LRP2: variants seen among roughly 807,000 people sequenced by gnomAD.
The protein encoded by LRP2 is LDL receptor related protein 2, also known as low-density lipoprotein receptor-related protein 2.
In LRP2, 172 loss-of-function variants were observed where a neutral mutation model predicts 531.0. The observed-to-expected ratio is 0.32, with a 90% CI of 0.29 to 0.37. LRP2 has a LOEUF of 0.37. Among genes scored for constraint, LRP2 ranks in the 10% least tolerant of loss-of-function variants. The pLI is 1.00. For missense variants in LRP2, 5,167 were observed against 5,868.3 expected, an observed-to-expected ratio of 0.88 and a Z score of 3.90; for synonymous variants, 1,992 against 2,027.6, an observed-to-expected ratio of 0.98 and a Z score of 0.47.
chr2:169,139,633 T>G, intron 72 of LRP2, 23 bp from the exon 73 acceptor site: 1 of 1,608,158 alleles, frequency 6.2e-7, no homozygotes, highest in Non-Finnish European at 8.5e-7. Flanking sequence ...AGCAAATCAT[T>G]CACTAGCTGT....
At chr2:169,298,776 C>A (rs759534602) in intron 4 of LRP2, among the ~76,000 whole-genome samples, 1 of 151,748 alleles carries the variant, frequency 6.6e-6, no homozygotes, top group Non-Finnish European at 1.5e-5. Context: ...GGAAAAATAA[C>A]TTTCCAGAAG....
At chr2:169,331,365 T>TA (rs1280374246) in intron 1 of LRP2, among the ~76,000 whole-genome samples, 1 of 152,220 alleles carries the variant, frequency 6.6e-6, no homozygotes, top group East Asian at 1.9e-4. Context: ...TCCAAGTTTT[T>TA]ACCAAGAACG....
chr2:169,284,066 A>G (rs977606014), intron 9 of LRP2, among the ~76,000 whole-genome samples: 1 of 152,100 alleles, frequency 6.6e-6, no homozygotes, highest in Admixed American at 6.6e-5. Context: ...GAAGTTCTCA[A>G]GTAGATTATA....
chr2:169,348,796 AG>A (rs1382943698), intron 1 of LRP2, among the ~76,000 whole-genome samples: 1 of 152,198 alleles, frequency 6.6e-6, no homozygotes, highest in Non-Finnish European at 1.5e-5. Flanking sequence ...AATCACCAGC[AG>A]GGCGGGAGTG....
chr2:169,273,212 C>T (rs1683466813), intron 14 of LRP2, 145 bp from the exon 15 acceptor site: 1 of 885,202 alleles, frequency 1.1e-6, no homozygotes, highest in Admixed American at 1.9e-5. Flanking sequence ...CTGGTTACTA[C>T]TGGATACATC....
rs758841788 is a variant in LRP2 at position 169,280,453 on chromosome 2, C to T, written c.1238G>A (p.Ser413Asn). ...DLLIGDIHGRSFRILVESQNR... is the reference protein window; with the variant it reads ...DLLIGDIHGRNFRILVESQNR... Reference sequence around the variant, plus strand: ...CTGAGACTCCACTAGGATCCGGAAGCTCCTTCCATGAATATCACCAATTAA... The same window carrying T: ...CTGAGACTCCACTAGGATCCGGAAGTTCCTTCCATGAATATCACCAATTAA... Residue 413 changes from serine to asparagine, a missense_variant, in exon 11 of 79, where the codon AGC (serine) becomes AAC (asparagine). Around this residue, in one of 6 missense-constraint regions of LRP2, gnomAD observed 2,811 missense variants for 3,058.0 expected, o/e 0.92. Transcript: ENST00000649046. 6.2e-7 allele frequency: 1 copy of T among 1,614,194 alleles called. No homozygotes were observed. Among genetic ancestry groups the T allele is most frequent in the Non-Finnish European group, 8.5e-7 (1 of 1,180,014 alleles).
At chr2:169,288,400 T>A (rs1683912371) in intron 9 of LRP2, among the ~76,000 whole-genome samples, 1 of 152,214 alleles carries the variant, frequency 6.6e-6, no homozygotes, top group African/African-American at 2.4e-5. Context: ...TCTAGTTTAA[T>A]GCCAGCCACC....
At chr2:169,165,404 T>A (rs573010165) in intron 62 of LRP2, among the ~76,000 whole-genome samples, 2 of 152,332 alleles carry the variant, frequency 1.3e-5, no homozygotes, top group African/African-American at 4.8e-5. Flanking sequence ...GGAACTTCTA[T>A]CTTAAACTAA....
chr2:169,198,739 C>T (rs1688086369), intron 45 of LRP2, 47 bp downstream of exon 45: 1 of 1,606,802 alleles, frequency 6.2e-7, no homozygotes. Flanking sequence ...TAGCTCACAA[C>T]ATGCATCTCT....
chr2:169,201,553 TTA>T (rs1559012471), intron 44 of LRP2, 73 bp downstream of exon 44: 1 of 1,589,748 alleles, frequency 6.3e-7, no homozygotes, highest in African/African-American at 1.4e-5. Context: ...AGCCTTTTTT[TTA>T]TATAATAATT....
At chr2:169,285,632 C>T (rs1475867353) in intron 9 of LRP2, among the ~76,000 whole-genome samples, 1 of 152,142 alleles carries the variant, frequency 6.6e-6, no homozygotes, top group Non-Finnish European at 1.5e-5. Flanking sequence ...CCCTTGGCCA[C>T]CCTCTGATCC....
At chr2:169,150,669 A>G (rs1210608855) in intron 68 of LRP2, among the ~76,000 whole-genome samples, 1 of 152,206 alleles carries the variant, frequency 6.6e-6, no homozygotes, top group Non-Finnish European at 1.5e-5. Context: ...AATCCATGTA[A>G]CTAGAAAGAT....
At chr2:169,149,733 G>T (rs748531775) in intron 68 of LRP2, among the ~76,000 whole-genome samples, 1 of 151,988 alleles carries the variant, frequency 6.6e-6, no homozygotes, top group Non-Finnish European at 1.5e-5. Flanking sequence ...GCTGCCAGGA[G>T]GCTGAGGCAG....
intron 3 of LRP2, among the ~76,000 whole-genome samples, chr2:169,309,057 T>G (rs1684512312): frequency 6.6e-6 from 1 of 152,196 alleles, no homozygotes; most frequent in Non-Finnish European, 1.5e-5. Context: ...TTTGCCCACT[T>G]TTTGATGGGG....
At position 169,213,648 on chromosome 2, in the gene LRP2, A is replaced by G. The variant is rs185280219; in HGVS notation, c.6040+9T>C. Reference sequence around the variant, plus strand: ...CACCCATGAATGTATTTCAGTGACAAATACTTACTGCGTCTGTGATAAACT... The same window carrying G: ...CACCCATGAATGTATTTCAGTGACAGATACTTACTGCGTCTGTGATAAACT... On this transcript the variant is annotated intron_variant, in intron 36 of 78. Coordinates refer to ENST00000649046, the MANE Select transcript of LRP2 (RefSeq NM_004525.3). The G allele has an allele frequency of 3.7e-5, 60 of 1,607,918 alleles. 1 individual carries two copies. The African/African-American group carries it at 6.8e-4, about 18-fold the overall frequency.
chr2:169,209,089 G>C (rs1688504147), intron 38 of LRP2, among the ~76,000 whole-genome samples: 1 of 152,090 alleles, frequency 6.6e-6, no homozygotes, highest in Non-Finnish European at 1.5e-5. Flanking sequence ...CTGTTCCATA[G>C]TTTATATTTT....
intron 14 of LRP2, among the ~76,000 whole-genome samples, chr2:169,273,420 G>C (rs1395762607): frequency 1.3e-5 from 2 of 152,108 alleles, no homozygotes; most frequent in Non-Finnish European, 2.9e-5. Flanking sequence ...CCATTTGTAG[G>C]ATATAATAAA....
At chr2:169,233,110 T>C (rs1232271424) in intron 30 of LRP2, among the ~76,000 whole-genome samples, 1 of 152,190 alleles carries the variant, frequency 6.6e-6, no homozygotes, top group Admixed American at 6.5e-5. Flanking sequence ...CTATCTGGTC[T>C]GTACTCCATT....
Position 169,162,466 on chromosome 2 carries a change from A to C in LRP2, c.11887+6T>G. The C allele has an allele frequency of 6.2e-7, 1 of 1,614,086 alleles. No homozygotes were observed. The highest frequency in any genetic ancestry group is 8.5e-7 in the Non-Finnish European group (1 of 1,179,964). On this transcript the variant is annotated splice_donor_region_variant and intron_variant, in intron 63 of 78. Transcript: ENST00000649046. The stretch of plus-strand genomic sequence containing the variant: ...CAATGAACTATAAAAACAAGTGTTT[A>C]CTTACTGCAACCCAGTTCATCGGAC...
Sources: gnomAD v4.1 joint callset for allele counts (sites outside exome capture counted in the v4.1 genomes callset) on GRCh38, gnomAD v4.1.1 for gene constraint, gnomAD v4.1.1 regional missense constraint, MANE v1.5 for transcripts, NCBI Gene and HGNC (gene_info 2026-07-23, HGNC 2026-07-21) for gene names.